OPA1: variants seen among roughly 807,000 people sequenced by gnomAD.
The protein encoded by OPA1 is dynamin-like GTPase OPA1, mitochondrial.
A neutral mutation model predicts 152.9 loss-of-function variants in OPA1; 59 were observed. The observed-to-expected ratio is 0.39, with a 90% CI of 0.31 to 0.48. The LOEUF is 0.48. Among genes scored for constraint, OPA1 ranks in the 20% least tolerant of loss-of-function variants. The pLI, the probability that OPA1 is intolerant of heterozygous loss-of-function variation, is 0.96. For synonymous variants in OPA1, 400 were observed against 389.9 expected, an observed-to-expected ratio of 1.03 and a Z score of -0.31; for missense variants, 1,008 against 1,216.8, an observed-to-expected ratio of 0.83 and a Z score of 2.55.
Position 193,631,667 on chromosome 3 carries a change from T to TA in OPA1, c.843+4dup, listed in dbSNP as rs754110003. Reference sequence around the variant, plus strand: ...CAGGAAGAACTTCTGCACACTCAGGTAATCATGATGACTAAGAAAAACTAG... The same window carrying TA: ...CAGGAAGAACTTCTGCACACTCAGGTAAATCATGATGACTAAGAAAAACTAG... On this transcript the variant is annotated splice_region_variant and intron_variant, in intron 8 of 30. Transcript: ENST00000361510. The TA allele has an allele frequency of 1.9e-6, 3 of 1,609,406 alleles. No individual in the cohort carries two copies. In the African/African-American group the frequency reaches 4.0e-5, roughly 22 times the overall value.
chr3:193,614,963 A>G lies in OPA1; in HGVS notation c.273A>G (p.Ala91=). 1.2e-6 allele frequency: 2 copies of G among 1,614,210 alleles called. No individual in the cohort carries two copies. The highest frequency in any genetic ancestry group is 1.1e-5 in the South Asian group (1 of 91,082). The change falls in exon 2 of 31, where the codon GCA becomes GCG. Residue 91 remains alanine, a synonymous_variant. Coordinates refer to ENST00000361510, the MANE Select transcript of OPA1 (RefSeq NM_130837.3). ...AGCCTCGCAGGAATTTTTGGCCAGC[A>G]AGATTAGCTACGAGACTCTTAAAAC... ...GYQPRRNFWP[A]RLATRLLKLR...
At chr3:193,632,459 C>T (rs541057806) in intron 8 of OPA1, among the ~76,000 whole-genome samples, 174 of 152,094 alleles carry the variant, frequency 1.1e-3, no homozygotes, top group African/African-American at 3.9e-3. Flanking sequence ...CCAGCCTGGG[C>T]GACAGAGCAA....
intron 25 of OPA1, among the ~76,000 whole-genome samples, chr3:193,661,109 G>C (rs1715165578): frequency 1.3e-5 from 2 of 152,190 alleles, no homozygotes; most frequent in African/African-American, 4.8e-5. Context: ...AGTTATTTTT[G>C]TCAGGAACTT....
chr3:193,635,250 A>T (rs1191065867), intron 8 of OPA1, among the ~76,000 whole-genome samples, 168 bp from the exon 9 acceptor site: 1 of 152,168 alleles, frequency 6.6e-6, no homozygotes, highest in Non-Finnish European at 1.5e-5. Context: ...GTAAGAGATA[A>T]TAGTCATTGT....
chr3:193,679,087 A>T (rs1719686976), intron 29 of OPA1, among the ~76,000 whole-genome samples: 1 of 152,138 alleles, frequency 6.6e-6, no homozygotes, highest in Non-Finnish European at 1.5e-5. Flanking sequence ...CATTGAGAAC[A>T]CATGGACACA....
chr3:193,673,595 C>T (rs533277139), intron 29 of OPA1, among the ~76,000 whole-genome samples: 1 of 152,274 alleles, frequency 6.6e-6, no homozygotes, highest in East Asian at 1.9e-4. Flanking sequence ...TCAGCTATAA[C>T]AGATATATTA....
intron 29 of OPA1, among the ~76,000 whole-genome samples, chr3:193,687,337 C>T (rs1356716604): frequency 6.6e-6 from 1 of 152,154 alleles, no homozygotes; most frequent in Admixed American, 6.6e-5. Flanking sequence ...TTTAAGTAAA[C>T]ATTGGATAAA....
intron 7 of OPA1, among the ~76,000 whole-genome samples, chr3:193,626,501 T>C (rs545866415): frequency 6.6e-6 from 1 of 152,212 alleles, no homozygotes; most frequent in Non-Finnish European, 1.5e-5. Flanking sequence ...GGTCCAGTTA[T>C]TGAGTCACCC....
Position 193,643,554 on chromosome 3 carries a change from C to G in OPA1, c.1404C>G (p.Asp468Glu). Residue 468 changes from aspartate to glutamate, a missense_variant, in exon 15 of 31, where the codon GAC becomes GAG. Physicochemically the swap from Asp to Glu is conservative, Grantham distance 45. Transcript: ENST00000361510. ...INTVTSGMAPDTKETIFSISK... is the reference protein window; with the variant it reads ...INTVTSGMAPETKETIFSISK... Reference sequence around the variant, plus strand: ...CTGTGACATCAGGCATGGCTCCTGACACAAAGGAAACTATTTTCAGTATCA... The same window carrying G: ...CTGTGACATCAGGCATGGCTCCTGAGACAAAGGAAACTATTTTCAGTATCA... 3 of 1,613,854 alleles carry G rather than the reference C, an allele frequency of 1.9e-6. No homozygotes were observed. The highest frequency in any genetic ancestry group is 1.7e-6 in the Non-Finnish European group (2 of 1,179,890).
chr3:193,690,339 A>G (rs77032197), intron 29 of OPA1, among the ~76,000 whole-genome samples: 4,002 of 106,922 alleles, frequency 0.037, 275 homozygotes, highest in African/African-American at 0.14. Context: ...CACAGATTTT[A>G]TATCAGTCTG....
intron 29 of OPA1, among the ~76,000 whole-genome samples, chr3:193,669,448 A>G (rs534263643): frequency 2.0e-5 from 3 of 152,310 alleles, no homozygotes; most frequent in East Asian, 3.9e-4. Context: ...ATTGCCATTT[A>G]CTACTAGCTG....
chr3:193,694,389 C>T (rs1394946540), intron 30 of OPA1, among the ~76,000 whole-genome samples: 2 of 152,088 alleles, frequency 1.3e-5, no homozygotes, highest in Non-Finnish European at 1.5e-5. Flanking sequence ...ACAGATTCTT[C>T]TTCAATTAAT....
At chr3:193,615,534 A>G in intron 2 of OPA1, 140 bp from the exon 3 acceptor site, 1 of 675,488 alleles carries the variant, frequency 1.5e-6, no homozygotes, top group Non-Finnish European at 2.7e-6. Context: ...GTTTGCTGAG[A>G]CCACTTAATT....
chr3:193,666,142 T>G (rs1716485411), intron 27 of OPA1, among the ~76,000 whole-genome samples, 154 bp from the exon 28 acceptor site: 1 of 152,220 alleles, frequency 6.6e-6, no homozygotes, highest in Non-Finnish European at 1.5e-5. Context: ...ACAGAAAGGA[T>G]TCTGTAGCTT....
rs531691387 is a variant in OPA1, at chr3:193,696,269, G to A, written c.*1669G>A. On this transcript the variant is annotated 3_prime_UTR_variant, in exon 31 of 31. Transcript: ENST00000361510. ...TATTTACTTCTGTCAACTATAGAAA[G>A]AAAGACCTTCAGCTGTATTTCCACA... is the stretch of plus-strand genomic sequence containing the variant. 122 of 152,312 alleles carry A rather than the reference G, an allele frequency of 8.0e-4. No individual in the cohort carries two copies. Among genetic ancestry groups the A allele is most frequent in the African/African-American group, 2.8e-3 (117 of 41,578 alleles). 9.4% of individuals were successfully genotyped at this position (152,312 alleles called of 1,614,324 possible). A position where few individuals can be genotyped will look rare whatever the true frequency, so the allele number is the denominator to read the frequency against.
intron 27 of OPA1, among the ~76,000 whole-genome samples, chr3:193,665,507 T>G (rs1298847250): frequency 6.6e-6 from 1 of 152,150 alleles, no homozygotes; most frequent in Non-Finnish European, 1.5e-5. Flanking sequence ...TCACTAAATC[T>G]TGTTTTAAAT....
At chr3:193,633,743 G>T (rs913989177) in intron 8 of OPA1, among the ~76,000 whole-genome samples, 5 of 152,078 alleles carry the variant, frequency 3.3e-5, no homozygotes, top group Non-Finnish European at 5.9e-5. Context: ...ATATGAATGA[G>T]GTATTTTACA....
At chr3:193,639,082 A>T (rs973233766) in intron 11 of OPA1, among the ~76,000 whole-genome samples, 2 of 152,222 alleles carry the variant, frequency 1.3e-5, no homozygotes, top group Admixed American at 6.5e-5. Flanking sequence ...GACTTGGTGT[A>T]CTAGTCCATA....
At chr3:193,608,712 A>G (rs1445069871) in intron 1 of OPA1, among the ~76,000 whole-genome samples, 1 of 151,940 alleles carries the variant, frequency 6.6e-6, no homozygotes, top group Admixed American at 6.6e-5. Flanking sequence ...GTAGATGTGT[A>G]TTAGGTCCGC....
Sources: allele counts gnomAD v4.1 joint callset (sites outside exome capture counted in the v4.1 genomes callset), GRCh38; gene constraint gnomAD v4.1.1; transcripts MANE v1.5; gene names NCBI Gene and HGNC (gene_info 2026-07-23, HGNC 2026-07-21).